The following NRG4 variants were observed in gnomAD, a reference collection of about 807,000 sequenced individuals.
The protein encoded by NRG4 is pro-neuregulin-4, membrane-bound isoform.
A neutral mutation model predicts 15.0 loss-of-function variants in NRG4; 10 were observed. The observed-to-expected ratio is 0.67, with a 90% CI of 0.41 to 1.13. The LOEUF (loss-of-function observed/expected upper bound fraction) is 1.13, where lower values mean the gene tolerates loss of function less well. Ranked by LOEUF, NRG4 falls within the 50% of genes most tolerant of loss-of-function variation. The pLI is 0.00. For missense variants in NRG4, 139 were observed against 140.2 expected, an observed-to-expected ratio of 0.99 and a Z score of 0.04; for synonymous variants, 41 against 50.1, an observed-to-expected ratio of 0.82 and a Z score of 0.77.
At position 75,955,794 on chromosome 15, in the gene NRG4, A is replaced by C; in HGVS notation, c.331+138T>G. On this transcript the variant is annotated intron_variant, in intron 5 of 5. Coordinates refer to ENST00000394907, the MANE Select transcript of NRG4 (RefSeq NM_138573.4). ...TTATGTGAAAAAGGGTACCTGGCCAAAAAAAAAAAAAAAAACCCATAGAAA... is the reference window on the plus strand; with the variant it reads ...TTATGTGAAAAAGGGTACCTGGCCACAAAAAAAAAAAAAAACCCATAGAAA... 11 of 184,126 alleles carry C rather than the reference A, an allele frequency of 6.0e-5. No homozygotes were observed. The South Asian group carries it at 6.5e-4, about 11-fold the overall frequency. 11.4% of individuals were successfully genotyped at this position (184,126 alleles called of 1,614,324 possible).
chr15:75,961,478 G>A (rs920134126), intron 4 of NRG4, among the ~76,000 whole-genome samples: 2 of 152,132 alleles, frequency 1.3e-5, no homozygotes, highest in African/African-American at 4.8e-5. Flanking sequence ...AAGCTAACAT[G>A]TACAGTATTG....
In NRG4 at chr15:76,019,984, C is replaced by T. The variant is rs148541713; in HGVS notation, c.-56-8698G>A. 8.4e-4 allele frequency among the ~76,000 whole-genome samples: 128 copies of T among 152,290 alleles called. 1 individual carries two copies. The highest frequency in any genetic ancestry group is 2.8e-3 in the African/African-American group (117 of 41,558). On this transcript the variant is annotated intron_variant, in intron 5 of 8. Coordinates refer to the NRG4 transcript ENST00000563910. Reference sequence around the variant, plus strand: ...TTTCCAACAGCCTGTGCTCACTTCACGTTTCTGTGTCACATTTTGGTAATC... The same window carrying T: ...TTTCCAACAGCCTGTGCTCACTTCATGTTTCTGTGTCACATTTTGGTAATC...
intron 3 of NRG4, among the ~76,000 whole-genome samples, chr15:75,990,470 T>A (rs940845721): frequency 5.9e-5 from 9 of 152,306 alleles, no homozygotes; most frequent in East Asian, 1.9e-4. Context: ...CCGTACTGCC[T>A]GTTGTCAACT....
chr15:76,024,256 G>C (rs2035242115), intron 5 of NRG4, among the ~76,000 whole-genome samples: 1 of 152,144 alleles, frequency 6.6e-6, no homozygotes, highest in Admixed American at 6.5e-5. Flanking sequence ...AATAGCCCTG[G>C]GGGCTGCACC....
rs562618282 is a variant in NRG4, at chr15:75,977,015, G to T, written c.105-15041C>A. On this transcript the variant is annotated intron_variant, in intron 3 of 5. Transcript: ENST00000394907. The surrounding 1 kb of genome is among the most constrained non-coding windows in gnomAD (Gnocchi z 4.9). ...GACTGGGGCTGCTGCCTTTCTTTCAGAGATGCCCTGCCCAGAGAGGAGGAA... is the reference window on the plus strand; with the variant it reads ...GACTGGGGCTGCTGCCTTTCTTTCATAGATGCCCTGCCCAGAGAGGAGGAA... Among the ~76,000 whole-genome samples the T allele has an allele frequency of 2.7e-4, 41 of 152,330 alleles. No homozygotes were observed. Among genetic ancestry groups the T allele is most frequent in the African/African-American group, 9.1e-4 (38 of 41,574 alleles).
intron 2 of NRG4, among the ~76,000 whole-genome samples, chr15:76,056,290 GA>G (rs572915757): frequency 8.1e-5 from 12 of 148,294 alleles, no homozygotes; most frequent in Middle Eastern, 3.4e-3. Flanking sequence ...TCTACTTAAA[GA>G]AAAAAAAAAT....
At chr15:75,997,615 A>G (rs1432816354) in intron 3 of NRG4, among the ~76,000 whole-genome samples, 3 of 152,186 alleles carry the variant, frequency 2.0e-5, no homozygotes, top group Non-Finnish European at 4.4e-5. Context: ...AATAGTCAAC[A>G]AAGTTAATAC....
At chr15:76,031,693 G>A (rs186682189) in intron 5 of NRG4, among the ~76,000 whole-genome samples, 9 of 152,110 alleles carry the variant, frequency 5.9e-5, no homozygotes, top group African/African-American at 2.2e-4. Flanking sequence ...GCAAGATTCC[G>A]TCTCTCCAAA....
At chr15:76,018,594 A>C (rs571553792) in intron 5 of NRG4, among the ~76,000 whole-genome samples, 5 of 152,300 alleles carry the variant, frequency 3.3e-5, no homozygotes, top group Admixed American at 6.5e-5. Flanking sequence ...TCTCTGCTGC[A>C]GGTCTGCTGG....
At chr15:75,965,977 T>C (rs1051725642) in intron 3 of NRG4, among the ~76,000 whole-genome samples, 2 of 152,218 alleles carry the variant, frequency 1.3e-5, no homozygotes, top group Non-Finnish European at 2.9e-5. Context: ...ATGAGGTGAA[T>C]ACCAAGCAAT....
intron 3 of NRG4, among the ~76,000 whole-genome samples, chr15:75,979,172 G>T (rs942633382): frequency 6.6e-6 from 1 of 151,830 alleles, no homozygotes; most frequent in Non-Finnish European, 1.5e-5. Flanking sequence ...GTGCTTTTGA[G>T]GTCTTACTAA....
chr15:75,967,456 ATTTTTTTTTTTT>A (rs71140189), intron 3 of NRG4, among the ~76,000 whole-genome samples: 1 of 100,178 alleles, frequency 1.0e-5, no homozygotes, highest in South Asian at 4.0e-4. Context: ...AAAATCTTAG[ATTTTTTTTTTTT>A]TTTTTTTTTT....
At chr15:75,971,772 A>T (rs183954102) in intron 3 of NRG4, among the ~76,000 whole-genome samples, 152 of 152,214 alleles carry the variant, frequency 1.0e-3, no homozygotes, top group Non-Finnish European at 1.8e-3. Flanking sequence ...AGAAACATTT[A>T]AAAAAAATCT....
At chr15:76,036,654 G>A (rs563994940) in intron 4 of NRG4, among the ~76,000 whole-genome samples, 1 of 152,206 alleles carries the variant, frequency 6.6e-6, no homozygotes, top group Non-Finnish European at 1.5e-5. Flanking sequence ...TCATTCAAAG[G>A]GATATCTGAG....
chr15:76,028,385 T>C (rs2035371652), intron 5 of NRG4, among the ~76,000 whole-genome samples: 1 of 151,760 alleles, frequency 6.6e-6, no homozygotes, highest in Non-Finnish European at 1.5e-5. Flanking sequence ...TTTGAAAACC[T>C]AGAGGAAATA....
intron 5 of NRG4, among the ~76,000 whole-genome samples, chr15:76,022,393 T>A (rs1037273037): frequency 1.3e-5 from 2 of 150,290 alleles, no homozygotes; most frequent in Non-Finnish European, 3.0e-5. Context: ...AAACCTAATA[T>A]TTTCACAGAC....
chr15:75,999,265 A>G (rs376757546), intron 3 of NRG4, among the ~76,000 whole-genome samples: 1 of 152,194 alleles, frequency 6.6e-6, no homozygotes, highest in Non-Finnish European at 1.5e-5. Context: ...ATTATGATCT[A>G]TAAACTGATA....
intron 3 of NRG4, among the ~76,000 whole-genome samples, chr15:76,000,545 G>A (rs147147716): frequency 0.013 from 1,916 of 152,234 alleles, 22 homozygotes; most frequent in Non-Finnish European, 0.02. Flanking sequence ...AGAAAAACAC[G>A]TACCCAAATA....
At chr15:75,988,406 C>T (rs916413335) in intron 3 of NRG4, among the ~76,000 whole-genome samples, 4 of 152,158 alleles carry the variant, frequency 2.6e-5, no homozygotes, top group East Asian at 3.8e-4. Context: ...AGGCTGGTCT[C>T]GAACTCCTGA....
Sources: allele counts gnomAD v4.1 joint callset (sites outside exome capture counted in the v4.1 genomes callset), GRCh38; gene constraint gnomAD v4.1.1; non-coding constraint Gnocchi (gnomAD v3.1); transcripts MANE v1.5; gene names NCBI Gene and HGNC (gene_info 2026-07-23, HGNC 2026-07-21).